Variants in SPTBN1 observed in about 807,000 individuals in gnomAD.
SPTBN1 encodes the protein spectrin beta chain, non-erythrocytic 1.
In SPTBN1, 32 loss-of-function variants were observed where a neutral mutation model predicts 266.4. The observed-to-expected ratio is 0.12, with a 90% confidence interval of 0.09 to 0.16. The LOEUF is 0.16. Among genes scored for constraint, SPTBN1 ranks in the 10% least tolerant of loss-of-function variants. SPTBN1 has a pLI of 1.00. For synonymous variants in SPTBN1, 1,336 were observed against 1,162.2 expected (o/e 1.15, Z -3.04); for missense variants, 2,296 against 3,067.1 (o/e 0.75, Z 5.94).
At chr2:54,459,613 C>T (rs905958793) in intron 1 of SPTBN1, among the ~76,000 whole-genome samples, 1 of 150,666 alleles carries the variant, frequency 6.6e-6, no homozygotes, top group Non-Finnish European at 1.5e-5. Context: ...ATTTTTTTTA[C>T]GTGCAATGAC....
At chr2:54,581,051 TCACGC>T (rs1414213693) in intron 2 of SPTBN1, among the ~76,000 whole-genome samples, 1 of 151,664 alleles carries the variant, frequency 6.6e-6, no homozygotes, top group Admixed American at 6.6e-5. Flanking sequence ...TGAGCCACGA[TCACGC>T]CACTGCACTC....
intron 2 of SPTBN1, among the ~76,000 whole-genome samples, chr2:54,578,128 T>A (rs1331538522): frequency 6.6e-6 from 1 of 152,244 alleles, no homozygotes; most frequent in Non-Finnish European, 1.5e-5. Flanking sequence ...TTATTTGTAA[T>A]GTACCCGTGA....
chr2:54,465,649 T>C (rs1481974293), intron 1 of SPTBN1, among the ~76,000 whole-genome samples: 1 of 101,296 alleles, frequency 9.9e-6, no homozygotes, highest in African/African-American at 3.9e-5. Flanking sequence ...CATATATATA[T>C]ATATATATAT....
rs181069732 is a variant in SPTBN1, at chr2:54,530,432, C to T, written c.148+3866C>T. On this transcript the variant is annotated intron_variant, in intron 2 of 35. Transcript: ENST00000356805. ...GGAGTGCAGTGGTGCAATCTCGGCTCACTGCAAGCTCCACCTCCTGGCTTC... is the reference window on the plus strand; with the variant it reads ...GGAGTGCAGTGGTGCAATCTCGGCTTACTGCAAGCTCCACCTCCTGGCTTC... 3.3e-3 allele frequency among the ~76,000 whole-genome samples: 432 copies of T among 128,996 alleles called. 1 individual carries two copies. Among genetic ancestry groups the T allele is most frequent in the Middle Eastern group, 0.033 (6 of 184 alleles). 84.6% of individuals were successfully genotyped at this position (128,996 alleles called of 152,430 possible).
chr2:54,640,557 T>A (rs556815695), intron 18 of SPTBN1, among the ~76,000 whole-genome samples: 25 of 152,268 alleles, frequency 1.6e-4, no homozygotes, highest in Admixed American at 5.2e-4. Flanking sequence ...TTTTGTTTTG[T>A]TTTGTTTTGT....
At chr2:54,608,441 G>A (rs914849390) in intron 3 of SPTBN1, among the ~76,000 whole-genome samples, 5 of 152,152 alleles carry the variant, frequency 3.3e-5, no homozygotes, top group Admixed American at 6.5e-5. Flanking sequence ...AAGGTAGGTA[G>A]GTGTGATGAG....
chr2:54,524,204 A>C (rs990060052), intron 1 of SPTBN1, among the ~76,000 whole-genome samples: 3 of 152,186 alleles, frequency 2.0e-5, no homozygotes, highest in African/African-American at 4.8e-5. Context: ...ATCTCAAAAA[A>C]AAAAATGTTG....
At chr2:54,456,909 C>G (rs1490485027) in intron 1 of SPTBN1, among the ~76,000 whole-genome samples, 2 of 150,188 alleles carry the variant, frequency 1.3e-5, no homozygotes, top group Non-Finnish European at 3.0e-5. Flanking sequence ...CGCGGAGGCC[C>G]CTGGCGCGGA....
intron 1 of SPTBN1, among the ~76,000 whole-genome samples, chr2:54,481,574 A>C (rs1668108518): frequency 6.6e-6 from 1 of 152,196 alleles, no homozygotes; most frequent in Non-Finnish European, 1.5e-5. Flanking sequence ...GTAAAGGTTG[A>C]GATTTGTGCC....
chr2:54,636,862 C>T (rs1679178733), intron 17 of SPTBN1, among the ~76,000 whole-genome samples: 1 of 152,228 alleles, frequency 6.6e-6, no homozygotes, highest in Admixed American at 6.5e-5. Flanking sequence ...CTTTTGAATC[C>T]TCAGTGGGTC....
intron 1 of SPTBN1, among the ~76,000 whole-genome samples, chr2:54,477,632 G>C: frequency 6.6e-6 from 1 of 152,112 alleles, no homozygotes; most frequent in East Asian, 1.9e-4. Context: ...CTGACTGGTA[G>C]GCTGGGCGCG....
chr2:54,615,793 G>A (rs78615088), intron 4 of SPTBN1, among the ~76,000 whole-genome samples: 1 of 152,208 alleles, frequency 6.6e-6, no homozygotes, highest in Non-Finnish European at 1.5e-5. Flanking sequence ...TGGAAATGGT[G>A]CACACAGTGC....
At chr2:54,560,226 C>T (rs543882643) in intron 2 of SPTBN1, among the ~76,000 whole-genome samples, 60 of 151,732 alleles carry the variant, frequency 4.0e-4, no homozygotes, top group Non-Finnish European at 8.1e-4. Context: ...TTAGGGGCCT[C>T]ACGGTTTTCG....
chr2:54,661,939 A>G (rs1681075202), intron 32 of SPTBN1: 5 of 985,390 alleles, frequency 5.1e-6, no homozygotes, highest in African/African-American at 1.7e-5. Context: ...TTTAATTACA[A>G]TTGGCTTGTA....
At chr2:54,525,922 G>C (rs1670785315) in intron 1 of SPTBN1, among the ~76,000 whole-genome samples, 1 of 152,088 alleles carries the variant, frequency 6.6e-6, no homozygotes, top group South Asian at 2.1e-4. Context: ...GGTAGAGACG[G>C]GTTTTCACCA....
At chr2:54,547,588 G>C (rs1672322177) in intron 2 of SPTBN1, among the ~76,000 whole-genome samples, 1 of 152,046 alleles carries the variant, frequency 6.6e-6, no homozygotes. Context: ...AGCGTACAAG[G>C]GTTCCAATTT....
chr2:54,634,536 T>A (rs1418959376), intron 17 of SPTBN1, among the ~76,000 whole-genome samples: 1 of 152,218 alleles, frequency 6.6e-6, no homozygotes, highest in East Asian at 1.9e-4. Flanking sequence ...CCATTGATGT[T>A]AACTGAATTC....
chr2:54,573,888 A>G (rs1353791697), intron 2 of SPTBN1, among the ~76,000 whole-genome samples: 2 of 151,126 alleles, frequency 1.3e-5, no homozygotes, highest in East Asian at 3.9e-4. Context: ...ATTTGAATGG[A>G]TGTATTTATG....
At chr2:54,470,497 G>T (rs1693865462) in intron 1 of SPTBN1, among the ~76,000 whole-genome samples, 1 of 152,210 alleles carries the variant, frequency 6.6e-6, no homozygotes. Flanking sequence ...TTGTGCAGCT[G>T]TGCAGAGCGT....
Sources: gnomAD v4.1 joint callset for allele counts (sites outside exome capture counted in the v4.1 genomes callset) on GRCh38, gnomAD v4.1.1 for gene constraint, MANE v1.5 for transcripts, NCBI Gene and HGNC (gene_info 2026-07-23, HGNC 2026-07-21) for gene names.